The following NKAIN2 variants were observed in gnomAD, a reference collection of about 807,000 sequenced individuals.
NKAIN2 encodes sodium/potassium transporting ATPase interacting 2.
Under a neutral mutation model 32.6 loss-of-function variants are expected in NKAIN2, and 14 were observed. That is an observed-to-expected ratio of 0.43 (90% confidence interval 0.28 to 0.67). The LOEUF (loss-of-function observed/expected upper bound fraction) is 0.67. Ranked by LOEUF, NKAIN2 falls within the 30% of genes least tolerant of loss-of-function variation. The probability of loss-of-function intolerance (pLI) is 0.17; values close to 1 mark genes in which losing one functional copy is unlikely to be tolerated. For missense variants in NKAIN2, 198 were observed against 258.3 expected (o/e 0.77, Z 1.60); for synonymous variants, 80 against 87.2 (o/e 0.92, Z 0.46).
rs114268905 is a variant in NKAIN2, at chr6:124,655,285, C to T, written c.274-2901C>T. Among the ~76,000 whole-genome samples the T allele has an allele frequency of 9.4e-3, 1,436 of 152,146 alleles. 12 individuals are homozygous for T. Among genetic ancestry groups the T allele is most frequent in the Non-Finnish European group, 0.014 (921 of 67,998 alleles). On this transcript the variant is annotated intron_variant, in intron 3 of 6. Transcript: ENST00000368417. Reference sequence around the variant, plus strand: ...AACAAGTCAGTTCTGAATTGAGTATCCAAGTGAGGCACTTACTCATGTCTT... The same window carrying T: ...AACAAGTCAGTTCTGAATTGAGTATTCAAGTGAGGCACTTACTCATGTCTT...
chr6:123,840,271 T>C (rs1344550115), intron 1 of NKAIN2, among the ~76,000 whole-genome samples: 2 of 152,078 alleles, frequency 1.3e-5, no homozygotes, highest in Admixed American at 6.5e-5. Flanking sequence ...TCTAAAAACA[T>C]TCACTTTTTT....
At chr6:124,342,077 T>C (rs1316935902) in intron 2 of NKAIN2, among the ~76,000 whole-genome samples, 1 of 152,176 alleles carries the variant, frequency 6.6e-6, no homozygotes, top group African/African-American at 2.4e-5. Context: ...TGACCAGGGA[T>C]GTTTGTTTTA....
At chr6:124,512,058 A>T (rs1473328690) in intron 3 of NKAIN2, among the ~76,000 whole-genome samples, 2 of 152,208 alleles carry the variant, frequency 1.3e-5, no homozygotes, top group African/African-American at 4.8e-5. Context: ...TCCAGAGAAG[A>T]TTAATGTCAA....
chr6:124,633,420 G>T (rs1309747331), intron 3 of NKAIN2, among the ~76,000 whole-genome samples: 3 of 152,066 alleles, frequency 2.0e-5, no homozygotes, highest in African/African-American at 7.2e-5. Context: ...AAAATGAAAA[G>T]ATTTATAGAG....
intron 1 of NKAIN2, among the ~76,000 whole-genome samples, chr6:123,989,457 T>C (rs1041897422): frequency 2.2e-4 from 33 of 152,190 alleles, no homozygotes; most frequent in East Asian, 3.9e-4. Context: ...TTAACAGTTA[T>C]AGCAATAAAA....
At position 124,229,545 on chromosome 6, in the gene NKAIN2, C is replaced by T. The variant is rs201227211; in HGVS notation, c.55-53460C>T. ...ATAGATAGATAGATAGACAGACAGA[C>T]AGACAGACAGACAGACAGGGTTTGG... On this transcript the variant is annotated intron_variant, in intron 1 of 6. Coordinates refer to ENST00000368417, the MANE Select transcript of NKAIN2 (RefSeq NM_001040214.3). Among the ~76,000 whole-genome samples, 332 of 86,486 alleles carry T rather than the reference C, an allele frequency of 3.8e-3. 3 individuals carry two copies. Among genetic ancestry groups the T allele is most frequent in the East Asian group, 0.013 (29 of 2,276 alleles). The allele number at this position is 86,486 out of a possible 152,430, so 56.7% of individuals were successfully genotyped here. A position where few individuals can be genotyped will look rare whatever the true frequency, so the allele number is the denominator to read the frequency against.
In NKAIN2 at chr6:124,279,781, A is replaced by G. The variant is rs570790066; in HGVS notation, c.55-3224A>G. Among the ~76,000 whole-genome samples, 16 of 152,290 alleles carry G rather than the reference A, an allele frequency of 1.1e-4. No homozygotes were observed. In the South Asian group the frequency reaches 3.1e-3, roughly 30 times the overall value. On this transcript the variant is annotated intron_variant, in intron 1 of 6. Coordinates refer to ENST00000368417, the MANE Select transcript of NKAIN2 (RefSeq NM_001040214.3). ...AAAGGATAATGACAAAAGGATATTG[A>G]TCGAATACTCAATCTAATCCATCAC...
At chr6:124,746,612 A>G (rs1356737094) in intron 4 of NKAIN2, among the ~76,000 whole-genome samples, 1 of 151,944 alleles carries the variant, frequency 6.6e-6, no homozygotes, top group Non-Finnish European at 1.5e-5. Flanking sequence ...ACTGATATAC[A>G]GTAAAACATC....
rs1562385407 is a variant in NKAIN2 at position 124,791,325 on chromosome 6, CTGTTT to C, written c.475-8_475-4del. On this transcript the variant is annotated splice_polypyrimidine_tract_variant and intron_variant, in intron 4 of 6. Coordinates refer to ENST00000368417, the MANE Select transcript of NKAIN2 (RefSeq NM_001040214.3). ...CCTTTTTCTGATGTCTAAAGCATCTCTGTTTTGTTTCAGCTGGCAGGTTTCATCTA... is the reference window on the plus strand; with the variant it reads ...CCTTTTTCTGATGTCTAAAGCATCTCTGTTTCAGCTGGCAGGTTTCATCTA... 1 of 1,604,304 alleles carries C rather than the reference CTGTTT, an allele frequency of 6.2e-7. No homozygotes were observed. The highest frequency in any genetic ancestry group is 1.1e-5 in the South Asian group (1 of 90,198).
chr6:123,807,672 A>G (rs1022298444), intron 1 of NKAIN2, among the ~76,000 whole-genome samples: 1 of 152,166 alleles, frequency 6.6e-6, no homozygotes, highest in African/African-American at 2.4e-5. Flanking sequence ...ATGAAAGAAT[A>G]TAACTTAATT....
At chr6:124,134,730 A>G (rs1786647724) in intron 1 of NKAIN2, among the ~76,000 whole-genome samples, 1 of 152,174 alleles carries the variant, frequency 6.6e-6, no homozygotes, top group Non-Finnish European at 1.5e-5. Context: ...TGAGGGAATA[A>G]TTGAGGAAAA....
chr6:123,870,663 T>G (rs1772823532), intron 1 of NKAIN2, among the ~76,000 whole-genome samples: 1 of 152,214 alleles, frequency 6.6e-6, no homozygotes, highest in South Asian at 2.1e-4. Context: ...ATTTGGGAAT[T>G]TAGAGTTTTT....
In NKAIN2 at chr6:123,918,936, A is replaced by G. The variant is rs143896286; in HGVS notation, c.54+114682A>G. ...ATTCTATCTAAAAGTTTATTGTAAA[A>G]TTGAGCAATTGAAATTCTGCTAGCT... On this transcript the variant is annotated intron_variant, in intron 1 of 6. Coordinates refer to ENST00000368417, the MANE Select transcript of NKAIN2 (RefSeq NM_001040214.3). 8.1e-3 allele frequency among the ~76,000 whole-genome samples: 1,235 copies of G among 152,176 alleles called. 15 individuals are homozygous for G. The highest frequency in any genetic ancestry group is 0.028 in the African/African-American group (1,153 of 41,536).
chr6:124,347,737 T>C (rs1399854605), intron 2 of NKAIN2, among the ~76,000 whole-genome samples: 2 of 152,180 alleles, frequency 1.3e-5, no homozygotes, highest in African/African-American at 4.8e-5. Flanking sequence ...TACATTCATC[T>C]AAATTTTTTT....
chr6:124,398,545 A>G (rs1469236874), intron 3 of NKAIN2, among the ~76,000 whole-genome samples: 1 of 152,144 alleles, frequency 6.6e-6, no homozygotes, highest in Non-Finnish European at 1.5e-5. Flanking sequence ...CACATCTAAT[A>G]TGTTTATAGT....
chr6:124,439,746 T>C (rs1775612426), intron 3 of NKAIN2, among the ~76,000 whole-genome samples: 2 of 152,042 alleles, frequency 1.3e-5, no homozygotes, highest in Non-Finnish European at 2.9e-5. Context: ...ACATGAATTA[T>C]AAACTGCATT....
chr6:124,712,826 C>T (rs1775568651), intron 4 of NKAIN2, among the ~76,000 whole-genome samples: 1 of 152,020 alleles, frequency 6.6e-6, no homozygotes, highest in South Asian at 2.1e-4. Context: ...CTTGGCTCCT[C>T]CCCCTAAACT....
intron 3 of NKAIN2, among the ~76,000 whole-genome samples, chr6:124,408,098 C>G (rs1193118314): frequency 2.0e-5 from 3 of 151,752 alleles, no homozygotes; most frequent in Non-Finnish European, 4.4e-5. Context: ...GGATATTAGC[C>G]CTTTGTCAGA....
At chr6:124,587,239 CT>C (rs1421351911) in intron 3 of NKAIN2, among the ~76,000 whole-genome samples, 5 of 151,356 alleles carry the variant, frequency 3.3e-5, no homozygotes, top group South Asian at 2.1e-4. Context: ...CCAAACTCCT[CT>C]TTTTTTTTGA....
Sources: allele counts gnomAD v4.1 joint callset (sites outside exome capture counted in the v4.1 genomes callset), GRCh38; gene constraint gnomAD v4.1.1; transcripts MANE v1.5; gene names NCBI Gene and HGNC (gene_info 2026-07-23, HGNC 2026-07-21).